Variants in LRRC43 observed in about 807,000 individuals in gnomAD.
The protein encoded by LRRC43 is leucine rich repeat containing 43, also known as leucine-rich repeat-containing protein 43.
LRRC43 carries 62 observed loss-of-function variants against 64.3 expected under a neutral mutation model. The observed-to-expected ratio is 0.96, with a 90% CI of 0.79 to 1.19. The LOEUF (loss-of-function observed/expected upper bound fraction) is 1.19. Ranked by LOEUF, LRRC43 falls within the 50% of genes most tolerant of loss-of-function variation. The pLI is 0.00. For missense variants in LRRC43, 868 were observed against 845.0 expected (o/e 1.03, Z -0.34); for synonymous variants, 422 against 382.3 (o/e 1.10, Z -1.21).
chr12:122,188,903 C>T (rs1174372723), intron 4 of LRRC43, among the ~76,000 whole-genome samples: 1 of 152,142 alleles, frequency 6.6e-6, no homozygotes, highest in African/African-American at 2.4e-5. Context: ...TTGTGACAAA[C>T]AAAAATGTCT....
intron 3 of LRRC43, 50 bp downstream of exon 3, chr12:122,186,350 G>C (rs1159544901): frequency 8.2e-7 from 1 of 1,221,808 alleles, no homozygotes; most frequent in Admixed American, 2.0e-5. Context: ...GCTGCCCAGA[G>C]GCCTTGCCTT....
Position 122,200,653 on chromosome 12 carries a change from CG to C in LRRC43, c.1615del (p.Ala539ProfsTer7). The C allele has an allele frequency of 6.2e-7, 1 of 1,613,934 alleles. No homozygotes were observed. The highest frequency in any genetic ancestry group is 8.5e-7 in the Non-Finnish European group (1 of 1,179,954). The stretch of plus-strand genomic sequence containing the variant: ...AGGACGGGGAAAGGAGAGAAAGAGC[CG>C]GCCAAGGTACCGGGCCTTGGTGCTG... The part of the protein sequence containing the change: ...KDRTGKGEKE[P>X]AKEWKVLKKK... On this transcript the variant is annotated frameshift_variant, in exon 9 of 12. Coordinates refer to ENST00000339777, the MANE Select transcript of LRRC43 (RefSeq NM_001098519.2). LOFTEE classifies it high-confidence loss of function. The surrounding 1 kb of genome is among the most constrained non-coding windows in gnomAD (Gnocchi z 4.6).
At chr12:122,172,730 C>T (rs1289346592) in intron 1 of LRRC43, 2 of 1,609,150 alleles carry the variant, frequency 1.2e-6, no homozygotes, top group Non-Finnish European at 1.7e-6. Flanking sequence ...GCACGCCCTT[C>T]TCTTCCTCCA....
chr12:122,187,885 A>G, intron 4 of LRRC43, 45 bp downstream of exon 4: 12 of 1,607,074 alleles, frequency 7.5e-6, no homozygotes, highest in South Asian at 1.1e-5. Flanking sequence ...GGGATTAAGT[A>G]TCAGGTTGGG....
chr12:122,197,148 C>T (rs895226516), intron 7 of LRRC43, among the ~76,000 whole-genome samples: 2 of 152,038 alleles, frequency 1.3e-5, no homozygotes, highest in Admixed American at 6.6e-5. Context: ...TATCATTATC[C>T]CCTAATAAGG....
At chr12:122,187,548 G>A in intron 3 of LRRC43, 153 bp from the exon 4 acceptor site, 1 of 585,774 alleles carries the variant, frequency 1.7e-6, no homozygotes, top group Non-Finnish European at 2.9e-6. Flanking sequence ...TTTCTTCCTG[G>A]GTTTTTAAAA....
intron 7 of LRRC43, among the ~76,000 whole-genome samples, chr12:122,193,381 TAAAAAAAAAAAAAAA>T (rs34910328): frequency 2.1e-5 from 1 of 47,162 alleles, no homozygotes; most frequent in African/African-American, 8.5e-5. Flanking sequence ...CTCCGTCTCA[TAAAAAAAAAAAAAAA>T]AAAAAAAAAA....
intron 4 of LRRC43, among the ~76,000 whole-genome samples, chr12:122,188,418 T>C (rs970093064): frequency 1.3e-5 from 2 of 150,848 alleles, no homozygotes; most frequent in African/African-American, 2.4e-5. Flanking sequence ...AATTTTTTTA[T>C]TTTAATTTTT....
chr12:122,203,186 C>A, intron 11 of LRRC43, 129 bp from the exon 12 acceptor site: 2 of 862,026 alleles, frequency 2.3e-6, no homozygotes, highest in Non-Finnish European at 3.5e-6. Context: ...TTACTGTTAA[C>A]ACCCGAGGAC....
rs77240266 is a variant in LRRC43, at chr12:122,192,710, G to A, written c.1090-35G>A. 14,555 of 1,605,618 alleles carry A rather than the reference G, an allele frequency of 9.1e-3. 651 individuals carry two copies. The African/African-American group carries it at 0.13, about 14-fold the overall frequency. ...CATCAGCTGAGCACATCCTGAAGACGGCAGCCTTGGACGAGTTTCTGTCTC... is the reference window on the plus strand; with the variant it reads ...CATCAGCTGAGCACATCCTGAAGACAGCAGCCTTGGACGAGTTTCTGTCTC... On this transcript the variant is annotated intron_variant, in intron 6 of 11. Transcript: ENST00000339777.
rs548359860 is a variant in LRRC43, at chr12:122,192,886, G to A, written c.1231G>A (p.Glu411Lys). ...GGAGTCTGAGGTGGAGGAGTCAGGA[G>A]AGTCGGAGCTGTCTGTCATCTCGGG... ...SLESEVEESGESELSVISGPS... is the reference protein window; with the variant it reads ...SLESEVEESGKSELSVISGPS... Residue 411 changes from glutamate (E) to lysine (K), a missense_variant, in exon 7 of 12, where the codon GAG (glutamate) becomes AAG (lysine). Physicochemically the swap from Glu to Lys is moderately conservative, Grantham distance 56. Coordinates refer to ENST00000339777, the MANE Select transcript of LRRC43 (RefSeq NM_001098519.2). 1.9e-6 allele frequency: 3 copies of A among 1,614,074 alleles called. No homozygotes were observed. Among genetic ancestry groups the A allele is most frequent in the African/African-American group, 2.7e-5 (2 of 74,932 alleles).
intron 1 of LRRC43, chr12:122,172,890 A>G (rs1953501810): frequency 4.4e-6 from 3 of 674,164 alleles, no homozygotes; most frequent in South Asian, 1.9e-5. Flanking sequence ...TGCCATCACC[A>G]ACCCCATTTC....
intron 7 of LRRC43, among the ~76,000 whole-genome samples, chr12:122,195,308 G>A (rs759510078): frequency 1.3e-5 from 2 of 151,830 alleles, no homozygotes; most frequent in Non-Finnish European, 2.9e-5. Flanking sequence ...GAGTGCCGTG[G>A]CTGGATCTTG....
intron 3 of LRRC43, 74 bp downstream of exon 3, chr12:122,186,374 T>C (rs1953644905): frequency 1.1e-6 from 1 of 930,214 alleles, no homozygotes; most frequent in Middle Eastern, 2.1e-4. Flanking sequence ...CTGCCCCACA[T>C]AGTGTGGCCA....
In LRRC43 at chr12:122,184,555, TG is replaced by T; in HGVS notation, c.189del (p.Trp63Ter). 1 of 1,613,756 alleles carries T rather than the reference TG, an allele frequency of 6.2e-7. No individual in the cohort carries two copies. Among genetic ancestry groups the T allele is most frequent in the Non-Finnish European group, 8.5e-7 (1 of 1,179,814 alleles). On this transcript the variant is annotated frameshift_variant, in exon 2 of 12. Transcript: ENST00000339777. LOFTEE classifies it high-confidence loss of function. This position sits in a 1 kb window ranked among gnomAD's most constrained non-coding sequence, Gnocchi z 4.0. ...SRFLPQTWRT[W>X]RELVPREEDV... ...CTTTCTTCCTCAAACTTGGCGAACT[TG>T]GAGGGAGCTTGTCCCCAGAGAGGAG...
Position 122,190,209 on chromosome 12 carries a change from C to A in LRRC43, c.742C>A (p.Arg248=). Residue 248 remains arginine (R), a synonymous_variant, in exon 5 of 12, where the codon CGG becomes AGG. Transcript: ENST00000339777. ...QSMVTSLRTL[R]HLRLLVLQGN... Reference sequence around the variant, plus strand: ...CATGGTCACCAGCCTGAGGACCCTCCGGCACCTGCGACTCCTGGTGCTGCA... The same window carrying A: ...CATGGTCACCAGCCTGAGGACCCTCAGGCACCTGCGACTCCTGGTGCTGCA... The A allele has an allele frequency of 6.2e-7, 1 of 1,614,100 alleles. No homozygotes were observed. The highest frequency in any genetic ancestry group is 8.5e-7 in the Non-Finnish European group (1 of 1,180,006).
intron 1 of LRRC43, among the ~76,000 whole-genome samples, chr12:122,176,716 G>A (rs1400892902): frequency 6.6e-6 from 1 of 151,382 alleles, no homozygotes; most frequent in African/African-American, 2.4e-5. Context: ...GTGAAGTGGC[G>A]CAATCTCAGC....
chr12:122,189,611 G>T (rs1000805950), intron 4 of LRRC43: 2 of 396,700 alleles, frequency 5.0e-6, no homozygotes, highest in Non-Finnish European at 1.0e-5. Context: ...TTTCCTCCTG[G>T]GGTCCCGCCC....
rs548914552 is a variant in LRRC43 at position 122,186,793 on chromosome 12, C to T, written c.522+493C>T. Among the ~76,000 whole-genome samples the T allele has an allele frequency of 2.0e-5, 3 of 152,294 alleles. No homozygotes were observed. The East Asian group carries it at 5.8e-4, about 29-fold the overall frequency. ...AATTAGCCGGGTGTGGTGGCATGCG[C>T]CTGTAGTCCCAGCTGCTTGGGAGGC... is the stretch of plus-strand genomic sequence containing the variant. On this transcript the variant is annotated intron_variant, in intron 3 of 11. Transcript: ENST00000339777.
Sources: gnomAD v4.1 joint callset for allele counts (sites outside exome capture counted in the v4.1 genomes callset) on GRCh38, gnomAD v4.1.1 for gene constraint, Gnocchi (gnomAD v3.1) non-coding constraint, MANE v1.5 for transcripts, NCBI Gene and HGNC (gene_info 2026-07-23, HGNC 2026-07-21) for gene names.